RPGRIP1L: variants seen among roughly 807,000 people sequenced by gnomAD.
RPGRIP1L encodes protein fantom.
RPGRIP1L carries 131 observed loss-of-function variants against 160.4 expected under a neutral mutation model. The observed-to-expected ratio is 0.82, with a 90% CI of 0.71 to 0.94. The LOEUF (loss-of-function observed/expected upper bound fraction) is 0.94. RPGRIP1L is among the 40% of genes least tolerant of loss of function. The pLI, the probability that RPGRIP1L is intolerant of heterozygous loss-of-function variation, is 0.00. For synonymous variants in RPGRIP1L, 510 were observed against 515.8 expected, an observed-to-expected ratio of 0.99 and a Z score of 0.15; for missense variants, 1,522 against 1,535.8, an observed-to-expected ratio of 0.99 and a Z score of 0.15.
chr16:53,646,618 A>G (rs899039169), intron 16 of RPGRIP1L, among the ~76,000 whole-genome samples: 2 of 152,188 alleles, frequency 1.3e-5, no homozygotes, highest in Admixed American at 1.3e-4. Context: ...TTCCTTTGGA[A>G]CTATTATGGA....
chr16:53,649,210 T>C (rs766950106), intron 15 of RPGRIP1L, 95 bp from the exon 16 acceptor site: 3 of 1,022,472 alleles, frequency 2.9e-6, no homozygotes, highest in Non-Finnish European at 3.1e-6. Flanking sequence ...ATTAAAACTA[T>C]ACATTTTATG....
chr16:53,645,834 T>C lies in RPGRIP1L; in HGVS notation c.2474A>G (p.His825Arg), dbSNP rs752772082. 7 of 1,614,020 alleles carry C rather than the reference T, an allele frequency of 4.3e-6. No individual in the cohort carries two copies. Among genetic ancestry groups the C allele is most frequent in the Middle Eastern group, 1.6e-4 (1 of 6,084 alleles). ...VVYKFFDFAD[H>R]DTAIIPSSND... ...GCTACTGGGAATGATAGCTGTATCATGGTCTGCAAAATCAAAAAACTTGTA... is the reference window on the plus strand; with the variant it reads ...GCTACTGGGAATGATAGCTGTATCACGGTCTGCAAAATCAAAAAACTTGTA... The change falls in exon 17 of 27, where the codon CAT (histidine) becomes CGT (arginine). Residue 825 changes from histidine (H) to arginine (R), a missense_variant. By Grantham distance (29) the His-to-Arg change is conservative. Transcript: ENST00000647211.
chr16:53,658,863 A>G lies in RPGRIP1L; in HGVS notation c.1259T>C (p.Leu420Pro). 1 of 1,599,188 alleles carries G rather than the reference A, an allele frequency of 6.3e-7. No individual in the cohort carries two copies. The highest frequency in any genetic ancestry group is 8.6e-7 in the Non-Finnish European group (1 of 1,169,408). ...CTGTAGTTCTCTATTCTCTTGAACGAGTTTTTCATTTTGATCTTAAAAATA... is the reference window on the plus strand; with the variant it reads ...CTGTAGTTCTCTATTCTCTTGAACGGGTTTTTCATTTTGATCTTAAAAATA... ...LKTERDQNEK[L>P]VQENRELQLQ... The change falls in exon 11 of 27, where the codon CTC (leucine) becomes CCC (proline). Residue 420 changes from leucine to proline, a missense_variant. Physicochemically the swap from Leu to Pro is moderately conservative, Grantham distance 98 (BLOSUM62 -3). Transcript: ENST00000647211.
At position 53,657,391 on chromosome 16, in the gene RPGRIP1L, A is replaced by G. The variant is rs1001684400; in HGVS notation, c.1581+62T>C. 7.9e-6 allele frequency: 9 copies of G among 1,140,502 alleles called. No individual in the cohort carries two copies. In the African/African-American group the frequency reaches 1.2e-4, roughly 16 times the overall value. 70.6% of individuals were successfully genotyped at this position (1,140,502 alleles called of 1,614,324 possible). A position where few individuals can be genotyped will look rare whatever the true frequency, so the allele number is the denominator to read the frequency against. On this transcript the variant is annotated intron_variant, in intron 13 of 26. Transcript: ENST00000647211. The stretch of plus-strand genomic sequence containing the variant: ...TAACAGGTGATAACATACAGTATTT[A>G]GAAAATAAATCATCAGAATATTATA...
chr16:53,663,845 C>T (rs1465504597), intron 10 of RPGRIP1L, among the ~76,000 whole-genome samples: 1 of 151,988 alleles, frequency 6.6e-6, no homozygotes, highest in African/African-American at 2.4e-5. Flanking sequence ...AAAGGTCACA[C>T]TGAAATTTAA....
chr16:53,686,333 T>C (rs968996262), intron 6 of RPGRIP1L, 100 bp downstream of exon 6: 31 of 1,285,736 alleles, frequency 2.4e-5, no homozygotes, highest in Non-Finnish European at 3.4e-5. Flanking sequence ...AAAAACATGA[T>C]TTTTAAATAG....
rs752562921 is a variant in RPGRIP1L at position 53,637,767 on chromosome 16, C to A, written c.3148G>T (p.Gly1050Cys). The A allele has an allele frequency of 6.2e-7, 1 of 1,612,908 alleles. No homozygotes were observed. The highest frequency in any genetic ancestry group is 8.5e-7 in the Non-Finnish European group (1 of 1,179,770). Residue 1050 changes from glycine (G) to cysteine (C), a missense_variant, in exon 21 of 27, where the codon GGT (glycine) becomes TGT (cysteine). Gly to Cys is a radical substitution (Grantham distance 159). Coordinates refer to ENST00000647211, the MANE Select transcript of RPGRIP1L (RefSeq NM_015272.5). Reference protein sequence around the residue: ...GKDDVSLLSEGQLAEQSLASS... With the variant: ...GKDDVSLLSECQLAEQSLASS... ...GCCAAGCTTTGTTCTGCAAGCTGAC[C>A]TTCAGATAGTAAAGACACATCATCT... is the stretch of plus-strand genomic sequence containing the variant.
At chr16:53,688,007 A>G (rs769382020) in intron 4 of RPGRIP1L, 42 bp from the exon 5 acceptor site, 15 of 1,169,962 alleles carry the variant, frequency 1.3e-5, no homozygotes, top group East Asian at 9.4e-5. Context: ...AATTGAAGTT[A>G]GAAAAGAAGG....
At position 53,638,368 on chromosome 16, in the gene RPGRIP1L, T is replaced by A. The variant is rs1475344595; in HGVS notation, c.3002A>T (p.Glu1001Val). 1 of 1,599,738 alleles carries A rather than the reference T, an allele frequency of 6.3e-7. No homozygotes were observed. Among genetic ancestry groups the A allele is most frequent in the South Asian group, 1.1e-5 (1 of 90,708 alleles). Residue 1001 changes from glutamate (E) to valine (V), a missense_variant, in exon 20 of 27, where the codon GAG (glutamate) becomes GTG (valine). Glu to Val is a moderately radical substitution (Grantham distance 121). Transcript: ENST00000647211. Reference protein sequence around the residue: ...PPEDRKEISPEVEHIPEIEIN... With the variant: ...PPEDRKEISPVVEHIPEIEIN... The stretch of plus-strand genomic sequence containing the variant: ...TTCTATTTCTGGTATATGCTCTACC[T>A]CTGGTGAAATTTCCTTCCTATCTTC...
At position 53,600,028 on chromosome 16, in the gene RPGRIP1L, A is replaced by G. The variant is rs182731109; in HGVS notation, c.*2048T>C. On this transcript the variant is annotated 3_prime_UTR_variant, in exon 27 of 27. Coordinates refer to ENST00000647211, the MANE Select transcript of RPGRIP1L (RefSeq NM_015272.5). ...GACTGGGTCCCATAAGTTTTCTAAG[A>G]AAAACTTTTCCTTTCCACTTAATGA... 4 of 152,372 alleles carry G rather than the reference A, an allele frequency of 2.6e-5. No homozygotes were observed. Among genetic ancestry groups the G allele is most frequent in the Non-Finnish European group, 2.9e-5 (2 of 68,024 alleles). 9.4% of individuals were successfully genotyped at this position (152,372 alleles called of 1,614,324 possible). A position where few individuals can be genotyped will look rare whatever the true frequency, so the allele number is the denominator to read the frequency against.
At chr16:53,676,855 G>A (rs562994311) in intron 6 of RPGRIP1L, among the ~76,000 whole-genome samples, 132 of 151,918 alleles carry the variant, frequency 8.7e-4, no homozygotes, top group African/African-American at 3.0e-3. Flanking sequence ...GGATGGTTTC[G>A]ATCTCCTGAC....
rs188807797 is a variant in RPGRIP1L at position 53,664,071 on chromosome 16, G to A, written c.1243+799C>T. On this transcript the variant is annotated intron_variant, in intron 10 of 26. Transcript: ENST00000647211. ...GTTTTCAAAAGCAGCAACCTTCTTAGCACATGACTCGGTTTATCTAGGGCA... is the reference window on the plus strand; with the variant it reads ...GTTTTCAAAAGCAGCAACCTTCTTAACACATGACTCGGTTTATCTAGGGCA... 3.9e-3 allele frequency among the ~76,000 whole-genome samples: 597 copies of A among 152,264 alleles called. 4 individuals carry two copies. The highest frequency in any genetic ancestry group is 8.9e-3 in the South Asian group (43 of 4,832).
At chr16:53,657,019 A>G (rs913297071) in intron 13 of RPGRIP1L, among the ~76,000 whole-genome samples, 6 of 152,132 alleles carry the variant, frequency 3.9e-5, no homozygotes, top group Admixed American at 1.3e-4. Flanking sequence ...AGGTGGGTGG[A>G]TCACTTGAGG....
At chr16:53,610,931 G>A (rs769290060) in intron 25 of RPGRIP1L, 36 bp downstream of exon 25, 4 of 1,459,408 alleles carry the variant, frequency 2.7e-6, no homozygotes, top group Admixed American at 3.3e-5. Flanking sequence ...TCTACTTTAT[G>A]TAAACCATTA....
In RPGRIP1L at chr16:53,664,938, A is replaced by G; in HGVS notation, c.1175T>C (p.Leu392Pro). The part of the protein sequence containing the change: ...EQQLKVQIAQ[L>P]ETALKSDLTD... ...TAAGTCAGACTTCAAGGCAGTCTCG[A>G]GCTGAGCAATCTGCACTTTCAGCTG... Residue 392 changes from leucine (L) to proline (P), a missense_variant, in exon 10 of 27, where the codon CTC (leucine) becomes CCC (proline). Coordinates refer to ENST00000647211, the MANE Select transcript of RPGRIP1L (RefSeq NM_015272.5). The G allele has an allele frequency of 6.2e-7, 1 of 1,613,452 alleles. No individual in the cohort carries two copies.
At chr16:53,609,486 AT>A (rs1567792087) in intron 25 of RPGRIP1L, among the ~76,000 whole-genome samples, 1 of 151,972 alleles carries the variant, frequency 6.6e-6, no homozygotes, top group South Asian at 2.1e-4. Flanking sequence ...TTGATTTTAA[AT>A]TTTTTAAATA....
At chr16:53,653,816 A>G (rs1967011283) in intron 14 of RPGRIP1L, among the ~76,000 whole-genome samples, 1 of 152,212 alleles carries the variant, frequency 6.6e-6, no homozygotes, top group African/African-American at 2.4e-5. Flanking sequence ...TTTTGTCATT[A>G]TTAATATGCT....
In RPGRIP1L at chr16:53,658,396, T is replaced by C. The variant is rs749257227; in HGVS notation, c.1401+18A>G. 7 of 1,592,204 alleles carry C rather than the reference T, an allele frequency of 4.4e-6. No homozygotes were observed. The highest frequency in any genetic ancestry group is 3.3e-5 in the South Asian group (3 of 90,624). ...TTGTATGCAGACATGAAAATCACGA[T>C]GAAGTTCAGAACCTTACCTTTATAA... On this transcript the variant is annotated intron_variant, in intron 12 of 26. Coordinates refer to ENST00000647211, the MANE Select transcript of RPGRIP1L (RefSeq NM_015272.5).
rs563095269 is a variant in RPGRIP1L at position 53,685,817 on chromosome 16, T to C, written c.776+616A>G. On this transcript the variant is annotated intron_variant, in intron 6 of 26. Coordinates refer to ENST00000647211, the MANE Select transcript of RPGRIP1L (RefSeq NM_015272.5). ...TGCAGCAAACCACCATGGTACACAT[T>C]TATCTATGTAACAAACCTACACATC... Among the ~76,000 whole-genome samples the C allele has an allele frequency of 8.5e-5, 13 of 152,204 alleles. No individual in the cohort carries two copies. In the South Asian group the frequency reaches 2.7e-3, roughly 32 times the overall value.
Sources: gnomAD v4.1 joint callset for allele counts (sites outside exome capture counted in the v4.1 genomes callset) on GRCh38, gnomAD v4.1.1 for gene constraint, MANE v1.5 for transcripts, NCBI Gene and HGNC (gene_info 2026-07-23, HGNC 2026-07-21) for gene names.